AKAP6: variants seen among roughly 807,000 people sequenced by gnomAD.
AKAP6 encodes the protein A-kinase anchor protein 6.
AKAP6 carries 58 observed loss-of-function variants against 188.5 expected under a neutral mutation model. That is an observed-to-expected ratio of 0.31 (90% confidence interval 0.25 to 0.38). AKAP6 has a LOEUF of 0.38. Among genes scored for constraint, AKAP6 ranks in the 10% least tolerant of loss-of-function variants. AKAP6 has a pLI of 1.00. For missense variants in AKAP6, 2,710 were observed against 2,740.0 expected (o/e 0.99, Z 0.24); for synonymous variants, 989 against 998.6 (o/e 0.99, Z 0.18).
At chr14:32,364,269 T>A (rs116667325) in intron 1 of AKAP6, among the ~76,000 whole-genome samples, 1,840 of 152,320 alleles carry the variant, frequency 0.012, 37 homozygotes, top group African/African-American at 0.036. Context: ...TTCATTATAG[T>A]ACTTTCTGGG....
intron 12 of AKAP6, among the ~76,000 whole-genome samples, chr14:32,820,408 C>T (rs964747870): frequency 2.0e-5 from 3 of 152,166 alleles, no homozygotes; most frequent in Non-Finnish European, 4.4e-5. Context: ...CAAAATATGT[C>T]AAGCTCTATC....
At chr14:32,787,413 G>A (rs1402776368) in intron 12 of AKAP6, among the ~76,000 whole-genome samples, 2 of 151,998 alleles carry the variant, frequency 1.3e-5, no homozygotes, top group African/African-American at 2.4e-5. Flanking sequence ...TGTAACTTGG[G>A]GATTCATTCT....
chr14:32,493,896 T>A (rs1404192712), intron 2 of AKAP6, among the ~76,000 whole-genome samples: 1 of 152,080 alleles, frequency 6.6e-6, no homozygotes, highest in Admixed American at 6.5e-5. Context: ...AACATTAAGA[T>A]GTCAGGCAGA....
chr14:32,375,152 C>T (rs908603474), intron 1 of AKAP6, among the ~76,000 whole-genome samples: 6 of 151,900 alleles, frequency 3.9e-5, no homozygotes, highest in Non-Finnish European at 5.9e-5. Flanking sequence ...AGTTGATCAC[C>T]CAAATGTGGG....
At chr14:32,648,169 A>T (rs747031671) in intron 7 of AKAP6, among the ~76,000 whole-genome samples, 27 of 152,244 alleles carry the variant, frequency 1.8e-4, no homozygotes, top group Middle Eastern at 6.8e-3. Flanking sequence ...TCCCACACTT[A>T]GCTGGAGGAG....
intron 2 of AKAP6, among the ~76,000 whole-genome samples, chr14:32,458,669 A>G (rs1487516955): frequency 6.6e-6 from 1 of 152,132 alleles, no homozygotes; most frequent in Non-Finnish European, 1.5e-5. Flanking sequence ...TGCCCACAAA[A>G]TAAATGAAAA....
At chr14:32,373,394 G>T (rs1168402241) in intron 1 of AKAP6, 1 of 152,040 alleles carries the variant, frequency 6.6e-6, no homozygotes, top group Admixed American at 6.6e-5. Context: ...TCATTTCCTG[G>T]GTGGGGGTCC....
At chr14:32,757,436 C>T (rs1566690249) in intron 11 of AKAP6, among the ~76,000 whole-genome samples, 3 of 152,122 alleles carry the variant, frequency 2.0e-5, no homozygotes, top group Admixed American at 6.5e-5. Flanking sequence ...CATGAAAAGT[C>T]CATCTGTCCC....
chr14:32,583,897 G>T (rs1375304585), intron 5 of AKAP6, among the ~76,000 whole-genome samples: 1 of 152,210 alleles, frequency 6.6e-6, no homozygotes, highest in African/African-American at 2.4e-5. Context: ...TCTTTGACTA[G>T]GAAAGGGAAC....
chr14:32,788,570 A>G (rs1051328045), intron 12 of AKAP6, among the ~76,000 whole-genome samples: 3 of 151,964 alleles, frequency 2.0e-5, no homozygotes, highest in Non-Finnish European at 2.9e-5. Flanking sequence ...AGCGAAAGGA[A>G]CCCCCACCCT....
At chr14:32,433,888 T>C (rs764197927) in intron 2 of AKAP6, 71 bp downstream of exon 2, 279 of 1,430,880 alleles carry the variant, frequency 1.9e-4, no homozygotes, top group Non-Finnish European at 2.6e-4. Flanking sequence ...GACTGTGTTC[T>C]GTAATTTCCA....
chr14:32,723,702 G>T (rs1302597546), intron 9 of AKAP6, among the ~76,000 whole-genome samples: 3 of 151,780 alleles, frequency 2.0e-5, no homozygotes, highest in Non-Finnish European at 2.9e-5. Flanking sequence ...TTTAGATGAG[G>T]CATATGCTCT....
intron 2 of AKAP6, among the ~76,000 whole-genome samples, chr14:32,505,962 G>T (rs889828083): frequency 7.9e-5 from 12 of 152,028 alleles, no homozygotes; most frequent in Non-Finnish European, 1.3e-4. Flanking sequence ...GCAGGGTTAA[G>T]CTGGGTATTA....
At chr14:32,641,152 T>G (rs1887737296) in intron 7 of AKAP6, among the ~76,000 whole-genome samples, 2 of 152,114 alleles carry the variant, frequency 1.3e-5, no homozygotes, top group South Asian at 4.1e-4. Context: ...GATAAAAACA[T>G]GCCCATTCTC....
intron 7 of AKAP6, among the ~76,000 whole-genome samples, chr14:32,603,660 G>A (rs892245810): frequency 2.0e-5 from 3 of 152,152 alleles, no homozygotes; most frequent in Non-Finnish European, 4.4e-5. Context: ...CTCACCCAAC[G>A]TGAATAAGAG....
At chr14:32,751,535 C>A in intron 11 of AKAP6, among the ~76,000 whole-genome samples, 1 of 137,782 alleles carries the variant, frequency 7.3e-6, no homozygotes, top group Non-Finnish European at 1.5e-5. Context: ...TTGGTGAGTC[C>A]TAAATGATTT....
At chr14:32,604,090 C>T (rs1050623027) in intron 7 of AKAP6, among the ~76,000 whole-genome samples, 2 of 152,142 alleles carry the variant, frequency 1.3e-5, no homozygotes, top group Non-Finnish European at 2.9e-5. Context: ...CAAACAAAAA[C>T]CCTCCACTTA....
chr14:32,459,710 A>G (rs1891260479), intron 2 of AKAP6, among the ~76,000 whole-genome samples: 1 of 151,240 alleles, frequency 6.6e-6, no homozygotes, highest in African/African-American at 2.4e-5. Context: ...AGAAAAAAGA[A>G]TATCAAATTG....
chr14:32,577,021 T>A (rs924175075), intron 4 of AKAP6, 99 bp from the exon 5 acceptor site: 15 of 1,360,040 alleles, frequency 1.1e-5, no homozygotes, highest in Non-Finnish European at 1.5e-5. Flanking sequence ...GATTTGATCA[T>A]GGATAAAATT....
Sources: allele counts gnomAD v4.1 joint callset (sites outside exome capture counted in the v4.1 genomes callset), GRCh38; gene constraint gnomAD v4.1.1; transcripts MANE v1.5; gene names NCBI Gene and HGNC (gene_info 2026-07-23, HGNC 2026-07-21).